The following BMP7 variants were observed in gnomAD, a reference collection of about 807,000 sequenced individuals.
BMP7 encodes osteogenic protein 1.
A neutral mutation model predicts 41.2 loss-of-function variants in BMP7; 12 were observed. The ratio of observed to expected loss-of-function variants is 0.29; its 90% CI spans 0.19 to 0.47. The LOEUF is 0.47. Ranked by LOEUF, BMP7 falls within the 20% of genes least tolerant of loss-of-function variation. The pLI is 0.99. For synonymous variants in BMP7, 248 were observed against 250.0 expected (o/e 0.99, Z 0.07); for missense variants, 467 against 606.0 (o/e 0.77, Z 2.41).
intron 2 of BMP7, among the ~76,000 whole-genome samples, chr20:57,206,085 C>G (rs1440739435): frequency 6.6e-6 from 1 of 152,178 alleles, no homozygotes; most frequent in Admixed American, 6.5e-5. Flanking sequence ...GGGGGAATTT[C>G]TAGCTGCCAC....
intron 3 of BMP7, among the ~76,000 whole-genome samples, chr20:57,187,314 C>T (rs557461270): frequency 1.8e-4 from 27 of 152,358 alleles, no homozygotes; most frequent in African/African-American, 5.8e-4. Flanking sequence ...TGAGACTCAT[C>T]TGTCCCCCCT....
intron 3 of BMP7, among the ~76,000 whole-genome samples, chr20:57,184,884 C>T (rs1445686106): frequency 6.6e-6 from 1 of 152,210 alleles, no homozygotes; most frequent in Non-Finnish European, 1.5e-5. Context: ...CCCTGTGGCA[C>T]CTTGACTTTA....
In BMP7 at chr20:57,261,406, C is replaced by A. The variant is rs1168101271; in HGVS notation, c.418+4299G>T. On this transcript the variant is annotated intron_variant, in intron 1 of 6. Coordinates refer to ENST00000395863, the MANE Select transcript of BMP7 (RefSeq NM_001719.3). This position sits in a 1 kb window ranked among gnomAD's most constrained non-coding sequence, Gnocchi z 4.1. ...CTGGAACCAAAACCAAAAACAGCCA[C>A]CCAAGTTGGCATCCAGGGCTCAGCC... Among the ~76,000 whole-genome samples the A allele has an allele frequency of 6.6e-6, 1 of 152,186 alleles. No homozygotes were observed. The highest frequency in any genetic ancestry group is 1.5e-5 in the Non-Finnish European group (1 of 68,054).
intron 3 of BMP7, among the ~76,000 whole-genome samples, chr20:57,184,131 T>TGCAAGTG (rs1984156831): frequency 6.6e-6 from 1 of 152,172 alleles, no homozygotes; most frequent in Non-Finnish European, 1.5e-5. Flanking sequence ...TCCTGTTCTC[T>TGCAAGTG]GGGTTTCCAT....
At chr20:57,226,720 C>T (rs1459272796) in intron 2 of BMP7, among the ~76,000 whole-genome samples, 2 of 152,144 alleles carry the variant, frequency 1.3e-5, no homozygotes, top group African/African-American at 2.4e-5. Flanking sequence ...AAGAAACTGG[C>T]ATCAGGGACC....
At chr20:57,192,117 ATAT>A (rs1286021943) in intron 3 of BMP7, among the ~76,000 whole-genome samples, 4 of 125,026 alleles carry the variant, frequency 3.2e-5, no homozygotes, top group African/African-American at 1.3e-4. Flanking sequence ...TAATATATAC[ATAT>A]TATACTATAT....
intron 1 of BMP7, among the ~76,000 whole-genome samples, chr20:57,230,680 C>CT (rs74182715): frequency 0.31 from 40,989 of 132,852 alleles, 7,461 homozygotes; most frequent in Non-Finnish European, 0.42. Context: ...GTTTGTAGAA[C>CT]TTTTTTTTTT....
At chr20:57,190,358 AG>A (rs746015790) in intron 3 of BMP7, among the ~76,000 whole-genome samples, 2 of 134,890 alleles carry the variant, frequency 1.5e-5, no homozygotes, top group Admixed American at 7.9e-5. Context: ...GAGGAACCAG[AG>A]GGGGTGAGGC....
intron 3 of BMP7, among the ~76,000 whole-genome samples, chr20:57,194,378 T>C (rs565424493): frequency 6.6e-6 from 1 of 152,298 alleles, no homozygotes; most frequent in Admixed American, 6.5e-5. Flanking sequence ...ACACAGTCGA[T>C]GCACAGTCAG....
intron 1 of BMP7, among the ~76,000 whole-genome samples, chr20:57,245,910 T>C (rs148106351): frequency 0.027 from 4,103 of 152,342 alleles, 78 homozygotes; most frequent in Non-Finnish European, 0.041. Context: ...AGTGCTGGGA[T>C]TACAGGCGTC....
intron 3 of BMP7, among the ~76,000 whole-genome samples, chr20:57,195,916 G>A (rs1984480700): frequency 3.3e-5 from 5 of 152,208 alleles, no homozygotes; most frequent in Non-Finnish European, 5.9e-5. Context: ...AGGAGGGAGA[G>A]AGGTGCCCTA....
rs1309055201 is a variant in BMP7 at position 57,215,999 on chromosome 20, C to G, written c.611+12230G>C. The G allele has an allele frequency of 6.6e-6, 1 of 151,862 alleles. No individual in the cohort carries two copies. Among genetic ancestry groups the G allele is most frequent in the African/African-American group, 2.4e-5 (1 of 41,284 alleles). 9.4% of individuals were successfully genotyped at this position (151,862 alleles called of 1,614,324 possible). On this transcript the variant is annotated intron_variant, in intron 2 of 6. Transcript: ENST00000395863. This position sits in a 1 kb window ranked among gnomAD's most constrained non-coding sequence, Gnocchi z 4.2. Reference sequence around the variant, plus strand: ...GGGCGACAAGGGGAAAGAAACTTGACAGTGCTTTGCAGACAGAAACAAGTG... The same window carrying G: ...GGGCGACAAGGGGAAAGAAACTTGAGAGTGCTTTGCAGACAGAAACAAGTG...
intron 4 of BMP7, among the ~76,000 whole-genome samples, chr20:57,180,730 G>A (rs1984061185): frequency 6.6e-6 from 1 of 152,116 alleles, no homozygotes; most frequent in Non-Finnish European, 1.5e-5. Flanking sequence ...CTGGAAAAAT[G>A]GATCCACTGT....
chr20:57,209,377 G>A (rs1319738279), intron 2 of BMP7, among the ~76,000 whole-genome samples: 2 of 150,524 alleles, frequency 1.3e-5, no homozygotes, highest in Non-Finnish European at 3.0e-5. Context: ...CCCAGGAGGC[G>A]GAGGTTGCAG....
At chr20:57,201,216 A>G (rs1213780709) in intron 3 of BMP7, among the ~76,000 whole-genome samples, 1 of 152,258 alleles carries the variant, frequency 6.6e-6, no homozygotes, top group Non-Finnish European at 1.5e-5. Context: ...ATAACCCATT[A>G]CATCTTGTAA....
intron 3 of BMP7, among the ~76,000 whole-genome samples, chr20:57,191,778 A>G (rs1454437888): frequency 7.0e-6 from 1 of 143,430 alleles, no homozygotes; most frequent in Admixed American, 7.2e-5. Context: ...TATATAATAT[A>G]CTATATATTA....
chr20:57,218,537 T>C (rs1175165893), intron 2 of BMP7, among the ~76,000 whole-genome samples: 3 of 149,436 alleles, frequency 2.0e-5, no homozygotes, highest in Admixed American at 6.7e-5. Flanking sequence ...AGCTGGTGTT[T>C]GGTGGTAGCT....
rs1013781129 is a variant in BMP7 at position 57,217,691 on chromosome 20, G to A, written c.611+10538C>T. Among the ~76,000 whole-genome samples, 3 of 152,230 alleles carry A rather than the reference G, an allele frequency of 2.0e-5. No homozygotes were observed. The East Asian group carries it at 5.8e-4, about 29-fold the overall frequency. On this transcript the variant is annotated intron_variant, in intron 2 of 6. Coordinates refer to ENST00000395863, the MANE Select transcript of BMP7 (RefSeq NM_001719.3). ...AAGCAGGAGAAACACATAGGCAGGA[G>A]GAGCCCCAGGGAATGTGGCCACTGA... is the stretch of plus-strand genomic sequence containing the variant.
At chr20:57,192,254 C>T (rs1372847170) in intron 3 of BMP7, among the ~76,000 whole-genome samples, 1 of 123,990 alleles carries the variant, frequency 8.1e-6, no homozygotes, top group African/African-American at 3.2e-5. Flanking sequence ...AGCATATATA[C>T]TATAGTATAT....
Sources: gnomAD v4.1 joint callset for allele counts (sites outside exome capture counted in the v4.1 genomes callset) on GRCh38, gnomAD v4.1.1 for gene constraint, Gnocchi (gnomAD v3.1) non-coding constraint, MANE v1.5 for transcripts, NCBI Gene and HGNC (gene_info 2026-07-23, HGNC 2026-07-21) for gene names.